The following HK1 variants were observed in gnomAD, a reference collection of about 807,000 sequenced individuals.
The protein encoded by HK1 is hexokinase-1.
HK1 carries 28 observed loss-of-function variants against 91.6 expected under a neutral mutation model. The observed-to-expected ratio is 0.31, with a 90% confidence interval of 0.23 to 0.42. HK1 has a LOEUF of 0.42. Among genes scored for constraint, HK1 ranks in the 10% least tolerant of loss-of-function variants. The pLI is 1.00. For synonymous variants in HK1, 430 were observed against 468.1 expected (o/e 0.92, Z 1.05); for missense variants, 770 against 1,219.8 (o/e 0.63, Z 5.49).
At chr10:69,392,373 C>A in intron 15 of HK1, 65 bp downstream of exon 15, 1 of 1,555,566 alleles carries the variant, frequency 6.4e-7, no homozygotes, top group Non-Finnish European at 8.9e-7. Context: ...CTGCATTCTG[C>A]CACTTGCAGT....
intron 1 of HK1, among the ~76,000 whole-genome samples, chr10:69,335,131 C>G (rs985576160): frequency 6.6e-6 from 1 of 152,112 alleles, no homozygotes; most frequent in African/African-American, 2.4e-5. Context: ...GACCGGCTGC[C>G]GAGAGCAGGA....
chr10:69,387,488 TG>T (rs1175543699), intron 13 of HK1, among the ~76,000 whole-genome samples: 6 of 152,156 alleles, frequency 3.9e-5, no homozygotes, highest in African/African-American at 1.4e-4. Context: ...TGTTTTGCCA[TG>T]CTGCTCAGGC....
intron 1 of HK1, among the ~76,000 whole-genome samples, chr10:69,341,907 G>C (rs1848309706): frequency 6.6e-6 from 1 of 152,040 alleles, no homozygotes; most frequent in South Asian, 2.1e-4. Context: ...AGACATTTTG[G>C]GAGGCCTAGG....
At chr10:69,384,731 G>C (rs1164323064) in intron 11 of HK1, 65 bp from the exon 12 acceptor site, 1 of 1,609,110 alleles carries the variant, frequency 6.2e-7, no homozygotes. Context: ...ACACACTTTG[G>C]TCCATGTGCA....
intron 4 of HK1, among the ~76,000 whole-genome samples, chr10:69,366,108 G>T (rs1849688311): frequency 6.6e-6 from 1 of 152,116 alleles, no homozygotes; most frequent in Non-Finnish European, 1.5e-5. Flanking sequence ...TGGGATTACA[G>T]ACGTGAGCCA....
intron 3 of HK1, among the ~76,000 whole-genome samples, chr10:69,291,214 G>A (rs1306652724): frequency 6.6e-6 from 1 of 152,260 alleles, no homozygotes; most frequent in Non-Finnish European, 1.5e-5. Context: ...CAGGCGCCAT[G>A]TGGCAGTCAG....
At chr10:69,355,740 C>T (rs35135619) in intron 2 of HK1, among the ~76,000 whole-genome samples, 4,734 of 152,022 alleles carry the variant, frequency 0.031, 124 homozygotes, top group African/African-American at 0.06. Context: ...TGCAGTGAGC[C>T]GAGATCATGC....
intron 4 of HK1, among the ~76,000 whole-genome samples, chr10:69,299,166 T>C (rs1845717757): frequency 6.6e-6 from 1 of 151,504 alleles, no homozygotes; most frequent in Non-Finnish European, 1.5e-5. Flanking sequence ...ACAAATTCTG[T>C]AAGCTTAATA....
chr10:69,284,918 G>A (rs904049035), intron 2 of HK1, among the ~76,000 whole-genome samples: 2 of 152,048 alleles, frequency 1.3e-5, no homozygotes, highest in East Asian at 1.9e-4. Flanking sequence ...CTGGGTTCAC[G>A]CCATTCTCCT....
intron 1 of HK1, among the ~76,000 whole-genome samples, chr10:69,343,457 C>A (rs1238069850): frequency 6.6e-6 from 1 of 152,140 alleles, no homozygotes; most frequent in African/African-American, 2.4e-5. Flanking sequence ...TCTGTCATTC[C>A]CATCCCAGTG....
chr10:69,283,798 C>CAAAAAAAAAAAAAAAAAAAAAAAAAA (rs571297748), intron 2 of HK1, among the ~76,000 whole-genome samples: 3 of 67,602 alleles, frequency 4.4e-5, no homozygotes, highest in Non-Finnish European at 8.0e-5. Context: ...GACTCTGTCT[C>CAAAAAAAAAAAAAAAAAAAAAAAAAA]AAAAAAAAAA....
Position 69,380,238 on chromosome 10 carries a change from C to T in HK1, c.1265+143C>T, listed in dbSNP as rs1839321680. On this transcript the variant is annotated intron_variant, in intron 9 of 17. Transcript: ENST00000359426. The surrounding 1 kb of genome is among the most constrained non-coding windows in gnomAD (Gnocchi z 4.0). The stretch of plus-strand genomic sequence containing the variant: ...GGGGGCTGTGGCTCATGCCTGTAAT[C>T]TTAGCACTTTGAGAGGCCGAGGCAG... The T allele has an allele frequency of 1.4e-6, 1 of 736,830 alleles. No individual in the cohort carries two copies. Among genetic ancestry groups the T allele is most frequent in the Non-Finnish European group, 2.4e-6 (1 of 414,122 alleles). The allele number at this position is 736,830 out of a possible 1,614,324, so 45.6% of individuals were successfully genotyped here.
intron 15 of HK1, among the ~76,000 whole-genome samples, 191 bp downstream of exon 15, chr10:69,392,499 A>G (rs926921378): frequency 2.6e-5 from 4 of 152,136 alleles, no homozygotes; most frequent in African/African-American, 9.7e-5. Flanking sequence ...GACCCCCAAC[A>G]TGGTACAAGA....
Position 69,334,173 on chromosome 10 carries a change from T to C in HK1, c.64-9654T>C, listed in dbSNP as rs757614467. 2.0e-5 allele frequency among the ~76,000 whole-genome samples: 3 copies of C among 152,136 alleles called. No individual in the cohort carries two copies. In the East Asian group the frequency reaches 5.8e-4, roughly 29 times the overall value. On this transcript the variant is annotated intron_variant, in intron 1 of 17. Coordinates refer to ENST00000359426, the MANE Select transcript of HK1 (RefSeq NM_000188.3). ...ATTTGTTGTGCGTAAACAGAGTTCA[T>C]TGAAACAGAACCAACAGTTTACACA...
At chr10:69,343,525 G>A (rs1320693178) in intron 1 of HK1, among the ~76,000 whole-genome samples, 2 of 152,156 alleles carry the variant, frequency 1.3e-5, no homozygotes, top group East Asian at 1.9e-4. Flanking sequence ...CCTGATACTG[G>A]AGGAAACCTA....
rs77516672 is a variant in HK1, at chr10:69,329,855, C to T, written c.63+10845C>T. Reference sequence around the variant, plus strand: ...CTCCTGCCTGTGCCTGCTGCCTCACCCCCAGCCCCATTTGCTTAGTGTTGA... The same window carrying T: ...CTCCTGCCTGTGCCTGCTGCCTCACTCCCAGCCCCATTTGCTTAGTGTTGA... On this transcript the variant is annotated intron_variant, in intron 1 of 17. Coordinates refer to ENST00000359426, the MANE Select transcript of HK1 (RefSeq NM_000188.3). 8.1e-3 allele frequency among the ~76,000 whole-genome samples: 1,236 copies of T among 152,218 alleles called. 12 individuals are homozygous for T. The highest frequency in any genetic ancestry group is 0.013 in the Non-Finnish European group (866 of 68,014).
chr10:69,390,885 G>C (rs2132932825), intron 14 of HK1, among the ~76,000 whole-genome samples: 1 of 152,206 alleles, frequency 6.6e-6, no homozygotes, highest in East Asian at 1.9e-4. Context: ...TGGGTTAGTT[G>C]ATTGGTTTTT....
intron 2 of HK1, among the ~76,000 whole-genome samples, chr10:69,287,062 G>A (rs1845068057): frequency 6.6e-6 from 1 of 151,892 alleles, no homozygotes; most frequent in African/African-American, 2.4e-5. Flanking sequence ...CCTCAATTAT[G>A]TCATAATAAC....
chr10:69,393,843 G>T (rs150335414), intron 15 of HK1, among the ~76,000 whole-genome samples: 4 of 152,274 alleles, frequency 2.6e-5, no homozygotes, highest in African/African-American at 9.6e-5. Context: ...AGGAGGTTGA[G>T]ACCACCCTGG....
Sources: gnomAD v4.1 joint callset for allele counts (sites outside exome capture counted in the v4.1 genomes callset) on GRCh38, gnomAD v4.1.1 for gene constraint, Gnocchi (gnomAD v3.1) non-coding constraint, MANE v1.5 for transcripts, NCBI Gene and HGNC (gene_info 2026-07-23, HGNC 2026-07-21) for gene names.